The following FBXL17 variants were observed in gnomAD, a reference collection of about 807,000 sequenced individuals.
FBXL17 encodes F-box/LRR-repeat protein 17.
In FBXL17, 22 loss-of-function variants were observed where a neutral mutation model predicts 66.2. The observed-to-expected ratio is 0.33, with a 90% CI of 0.24 to 0.47. The LOEUF (loss-of-function observed/expected upper bound fraction) is 0.47. FBXL17 is among the 20% of genes least tolerant of loss of function. The pLI, the probability that FBXL17 is intolerant of heterozygous loss-of-function variation, is 1.00. For synonymous variants in FBXL17, 474 were observed against 400.5 expected (o/e 1.18, Z -2.19); for missense variants, 878 against 948.2 (o/e 0.93, Z 0.97).
chr5:108,359,094 T>C (rs1580885530), intron 3 of FBXL17, among the ~76,000 whole-genome samples: 1 of 152,248 alleles, frequency 6.6e-6, no homozygotes, highest in East Asian at 1.9e-4. Flanking sequence ...TCCAATTTGT[T>C]GGTATGCAGT....
intron 7 of FBXL17, among the ~76,000 whole-genome samples, chr5:107,925,768 T>C (rs1750505774): frequency 6.6e-6 from 1 of 152,202 alleles, no homozygotes; most frequent in Non-Finnish European, 1.5e-5. Flanking sequence ...CCCATTCCCC[T>C]ACCAGTATGT....
intron 6 of FBXL17, among the ~76,000 whole-genome samples, chr5:108,050,732 C>A (rs188093876): frequency 6.6e-6 from 1 of 151,826 alleles, no homozygotes; most frequent in Non-Finnish European, 1.5e-5. Flanking sequence ...CTAAGAGACA[C>A]GAAACTCCCC....
At chr5:108,058,958 T>C (rs1243542064) in intron 6 of FBXL17, among the ~76,000 whole-genome samples, 1 of 152,168 alleles carries the variant, frequency 6.6e-6, no homozygotes. Flanking sequence ...ATGTAGAGAC[T>C]TTCTGCACAA....
chr5:108,070,778 T>C (rs112870096), intron 6 of FBXL17, among the ~76,000 whole-genome samples: 26 of 152,308 alleles, frequency 1.7e-4, no homozygotes, highest in Middle Eastern at 3.4e-3. Context: ...GGCTGAATAG[T>C]TCGAGAGTGC....
intron 7 of FBXL17, among the ~76,000 whole-genome samples, chr5:107,968,815 T>G (rs1454977248): frequency 1.3e-5 from 2 of 152,102 alleles, no homozygotes; most frequent in Non-Finnish European, 2.9e-5. Flanking sequence ...TAGAAACAAT[T>G]CTGATAAGCT....
intron 5 of FBXL17, among the ~76,000 whole-genome samples, chr5:108,200,965 A>G (rs1463477987): frequency 2.6e-5 from 4 of 152,168 alleles, no homozygotes; most frequent in Admixed American, 2.6e-4. Context: ...TCCCAAAATT[A>G]TTAGAGAAAA....
At chr5:108,186,054 A>G in intron 6 of FBXL17, 63 bp downstream of exon 6, 1 of 1,310,902 alleles carries the variant, frequency 7.6e-7, no homozygotes, top group South Asian at 1.3e-5. Flanking sequence ...CCTTGTTATA[A>G]TAATTAATAT....
At chr5:108,119,605 T>G (rs752963668) in intron 6 of FBXL17, among the ~76,000 whole-genome samples, 4 of 152,214 alleles carry the variant, frequency 2.6e-5, no homozygotes, top group Non-Finnish European at 1.5e-5. Flanking sequence ...AATTGCAGCA[T>G]TCATATTTTT....
At chr5:107,901,462 T>C (rs188904222) in intron 7 of FBXL17, among the ~76,000 whole-genome samples, 15 of 152,330 alleles carry the variant, frequency 9.8e-5, no homozygotes, top group Admixed American at 5.9e-4. Context: ...GATTTCACTC[T>C]GCTGTAGTAA....
At chr5:108,329,342 C>T (rs1325981591) in intron 4 of FBXL17, among the ~76,000 whole-genome samples, 5 of 152,078 alleles carry the variant, frequency 3.3e-5, no homozygotes, top group African/African-American at 1.2e-4. Context: ...AGGAAAAGGA[C>T]AACTATACTT....
chr5:107,895,751 G>A (rs1221013576), intron 7 of FBXL17, among the ~76,000 whole-genome samples: 1 of 152,172 alleles, frequency 6.6e-6, no homozygotes, highest in East Asian at 1.9e-4. Context: ...ATATGGGGAA[G>A]TGATTAATGA....
intron 1 of FBXL17, among the ~76,000 whole-genome samples, chr5:108,376,029 A>G (rs945234386): frequency 6.6e-6 from 1 of 152,244 alleles, no homozygotes; most frequent in African/African-American, 2.4e-5. Context: ...AACAAAACAC[A>G]TGATCATCTC....
intron 4 of FBXL17, among the ~76,000 whole-genome samples, chr5:108,231,534 G>C (rs1427560992): frequency 4.6e-5 from 7 of 152,138 alleles, no homozygotes; most frequent in African/African-American, 7.2e-5. Flanking sequence ...TACCCGTAGT[G>C]ATCCACTAGC....
intron 6 of FBXL17, among the ~76,000 whole-genome samples, chr5:108,167,556 G>A (rs1253462736): frequency 1.3e-5 from 2 of 152,182 alleles, no homozygotes; most frequent in African/African-American, 4.8e-5. Context: ...CTATTCACAG[G>A]TATTTGAAGA....
chr5:107,931,205 A>G (rs1334243192), intron 7 of FBXL17, among the ~76,000 whole-genome samples: 1 of 152,062 alleles, frequency 6.6e-6, no homozygotes, highest in East Asian at 1.9e-4. Context: ...TAGGAAACAC[A>G]TAAGAAGTCA....
chr5:107,879,513 A>G, intron 8 of FBXL17: 1 of 985,452 alleles, frequency 1.0e-6, no homozygotes, highest in Non-Finnish European at 1.2e-6. Flanking sequence ...TGGGCTGAGA[A>G]TATATAATAA....
chr5:108,368,270 A>T (rs939181417), intron 1 of FBXL17, among the ~76,000 whole-genome samples: 10 of 148,428 alleles, frequency 6.7e-5, no homozygotes, highest in Admixed American at 1.4e-4. Flanking sequence ...AAAAACTAAT[A>T]AAAAAAAAAC....
chr5:107,914,786 TTGAG>T, intron 7 of FBXL17, among the ~76,000 whole-genome samples: 1 of 152,182 alleles, frequency 6.6e-6, no homozygotes, highest in East Asian at 1.9e-4. Flanking sequence ...CACCAATATA[TTGAG>T]TAAGACAAAG....
intron 7 of FBXL17, among the ~76,000 whole-genome samples, chr5:108,009,288 TATATATATATATACATATATAC>T (rs1754078423): frequency 7.0e-5 from 2 of 28,732 alleles, no homozygotes; most frequent in African/African-American, 2.3e-4. Context: ...TATATATATA[TATATATATATATACATATATAC>T]ATACACATAT....
Sources: gnomAD v4.1 joint callset for allele counts (sites outside exome capture counted in the v4.1 genomes callset) on GRCh38, gnomAD v4.1.1 for gene constraint, MANE v1.5 for transcripts, NCBI Gene and HGNC (gene_info 2026-07-23, HGNC 2026-07-21) for gene names.